Variants in NRG3 observed in about 807,000 individuals in gnomAD.
NRG3 encodes the protein pro-neuregulin-3, membrane-bound isoform.
In NRG3, 31 loss-of-function variants were observed where a neutral mutation model predicts 66.9. The observed-to-expected ratio is 0.46, with a 90% CI of 0.35 to 0.63. The LOEUF (loss-of-function observed/expected upper bound fraction) is 0.63. Ranked by LOEUF, NRG3 falls within the 20% of genes least tolerant of loss-of-function variation. The probability of loss-of-function intolerance (pLI) is 0.00; values close to 1 mark genes in which losing one functional copy is unlikely to be tolerated. For synonymous variants in NRG3, 393 were observed against 359.4 expected, an observed-to-expected ratio of 1.09 and a Z score of -1.06; for missense variants, 910 against 878.9, an observed-to-expected ratio of 1.04 and a Z score of -0.45.
At chr10:82,116,522 G>C (rs563747193) in intron 1 of NRG3, among the ~76,000 whole-genome samples, 1 of 152,158 alleles carries the variant, frequency 6.6e-6, no homozygotes, top group South Asian at 2.1e-4. Context: ...CATTTACTTT[G>C]TTTTTGGGCA....
At chr10:81,967,101 A>C (rs936473427) in intron 1 of NRG3, among the ~76,000 whole-genome samples, 1 of 151,810 alleles carries the variant, frequency 6.6e-6, no homozygotes, top group South Asian at 2.1e-4. Flanking sequence ...ATGTTTTGAT[A>C]TATTTATATT....
At chr10:82,416,231 T>G (rs2088560973) in intron 2 of NRG3, among the ~76,000 whole-genome samples, 1 of 152,228 alleles carries the variant, frequency 6.6e-6, no homozygotes, top group Non-Finnish European at 1.5e-5. Context: ...GTTAACCTAT[T>G]CTGGAATGTC....
At chr10:82,250,817 G>A (rs960718505) in intron 1 of NRG3, among the ~76,000 whole-genome samples, 1 of 152,192 alleles carries the variant, frequency 6.6e-6, no homozygotes, top group Non-Finnish European at 1.5e-5. Context: ...CTCCTTGCCT[G>A]GTGCCTGGCT....
chr10:82,023,582 AT>A (rs2062160869), intron 1 of NRG3, among the ~76,000 whole-genome samples: 1 of 152,022 alleles, frequency 6.6e-6, no homozygotes, highest in African/African-American at 2.4e-5. Flanking sequence ...GTTGAATGTA[AT>A]GGAATGCTTT....
At chr10:82,977,722 C>T (rs957882441) in intron 7 of NRG3, among the ~76,000 whole-genome samples, 13 of 151,794 alleles carry the variant, frequency 8.6e-5, no homozygotes, top group Non-Finnish European at 1.9e-4. Context: ...AAAGTTTGAT[C>T]AGTCACCGTG....
intron 3 of NRG3, among the ~76,000 whole-genome samples, chr10:82,842,214 G>A (rs1212031828): frequency 1.3e-5 from 2 of 152,142 alleles, no homozygotes; most frequent in Non-Finnish European, 2.9e-5. Flanking sequence ...TCACACCACT[G>A]CACTCCAGCC....
chr10:82,002,465 T>C (rs1300763876), intron 1 of NRG3, among the ~76,000 whole-genome samples: 1 of 152,186 alleles, frequency 6.6e-6, no homozygotes, highest in Non-Finnish European at 1.5e-5. Flanking sequence ...TTTATTTATA[T>C]AAAAACAGAA....
intron 1 of NRG3, among the ~76,000 whole-genome samples, chr10:82,154,165 C>G: frequency 6.6e-6 from 1 of 151,906 alleles, no homozygotes; most frequent in East Asian, 1.9e-4. Flanking sequence ...TGTTGTGAAG[C>G]TTTTTCTCTA....
At chr10:82,471,814 A>C (rs1841293689) in intron 2 of NRG3, among the ~76,000 whole-genome samples, 1 of 151,936 alleles carries the variant, frequency 6.6e-6, no homozygotes. Flanking sequence ...ACTTGAACCC[A>C]GGAGGCAGAG....
At chr10:82,294,158 T>C (rs2079909335) in intron 1 of NRG3, among the ~76,000 whole-genome samples, 1 of 152,192 alleles carries the variant, frequency 6.6e-6, no homozygotes, top group Non-Finnish European at 1.5e-5. Context: ...TCTAACTTAA[T>C]TTTAGCCTCA....
intron 1 of NRG3, among the ~76,000 whole-genome samples, chr10:82,245,403 C>T (rs1046347860): frequency 6.6e-6 from 1 of 152,182 alleles, no homozygotes; most frequent in African/African-American, 2.4e-5. Flanking sequence ...GCTGTGCAGC[C>T]TGATTCCTAA....
At chr10:82,171,567 A>T (rs181742400) in intron 1 of NRG3, among the ~76,000 whole-genome samples, 18 of 152,134 alleles carry the variant, frequency 1.2e-4, no homozygotes, top group African/African-American at 4.1e-4. Flanking sequence ...GGTTAAATTC[A>T]GCTGCGAGTA....
chr10:82,565,813 C>T (rs1416680818), intron 2 of NRG3, among the ~76,000 whole-genome samples: 1 of 151,984 alleles, frequency 6.6e-6, no homozygotes, highest in Non-Finnish European at 1.5e-5. Flanking sequence ...GTATGTAATT[C>T]TGTTGTGATA....
chr10:82,345,942 T>G (rs1475321580), intron 1 of NRG3, among the ~76,000 whole-genome samples: 1 of 152,208 alleles, frequency 6.6e-6, no homozygotes, highest in South Asian at 2.1e-4. Context: ...TGAAGTTGCT[T>G]ATCAGCTTAA....
intron 1 of NRG3, among the ~76,000 whole-genome samples, chr10:81,985,564 G>A (rs762493806): frequency 2.6e-5 from 4 of 152,184 alleles, no homozygotes; most frequent in Non-Finnish European, 5.9e-5. Context: ...CTAATTCCAC[G>A]AGTGATTATT....
chr10:82,933,499 A>G (rs1847780420), intron 4 of NRG3, among the ~76,000 whole-genome samples: 1 of 152,160 alleles, frequency 6.6e-6, no homozygotes, highest in Non-Finnish European at 1.5e-5. Context: ...GTAGTTCATT[A>G]ACACCTACCA....
At chr10:82,132,245 G>T (rs1448496564) in intron 1 of NRG3, among the ~76,000 whole-genome samples, 1 of 150,970 alleles carries the variant, frequency 6.6e-6, no homozygotes, top group Non-Finnish European at 1.5e-5. Flanking sequence ...TTATTATGAA[G>T]GGATATTAAA....
chr10:82,825,336 T>A (rs1242054025), intron 3 of NRG3, among the ~76,000 whole-genome samples: 2 of 152,246 alleles, frequency 1.3e-5, no homozygotes, highest in African/African-American at 4.8e-5. Context: ...CATCTTGAGT[T>A]AATTTTTTCC....
chr10:81,906,279 C>T (rs544957642), intron 1 of NRG3, among the ~76,000 whole-genome samples: 47 of 152,226 alleles, frequency 3.1e-4, no homozygotes, highest in African/African-American at 1.1e-3. Flanking sequence ...AAAAAACAGA[C>T]CCTGCTCTTC....
Sources: allele counts gnomAD v4.1 joint callset (sites outside exome capture counted in the v4.1 genomes callset), GRCh38; gene constraint gnomAD v4.1.1; transcripts MANE v1.5; gene names NCBI Gene and HGNC (gene_info 2026-07-23, HGNC 2026-07-21).